CDH13: variants seen among roughly 807,000 people sequenced by gnomAD.
CDH13 encodes cadherin 13.
In CDH13, 24 loss-of-function variants were observed where a neutral mutation model predicts 63.8. That is an observed-to-expected ratio of 0.38 (90% confidence interval 0.27 to 0.53). The LOEUF is 0.53. Ranked by LOEUF, CDH13 falls within the 20% of genes least tolerant of loss-of-function variation. The probability of loss-of-function intolerance (pLI) is 0.85; values close to 1 mark genes in which losing one functional copy is unlikely to be tolerated. For missense variants in CDH13, 1,049 were observed against 903.1 expected (o/e 1.16, Z -2.07); for synonymous variants, 503 against 355.3 (o/e 1.42, Z -4.67).
At chr16:83,008,935 C>G (rs1312440784) in intron 2 of CDH13, among the ~76,000 whole-genome samples, 1 of 152,166 alleles carries the variant, frequency 6.6e-6, no homozygotes, top group Admixed American at 6.5e-5. Flanking sequence ...ACACGTCCAT[C>G]TTCACTTGGT....
At chr16:82,894,188 C>A (rs750082859) in intron 2 of CDH13, among the ~76,000 whole-genome samples, 1 of 152,138 alleles carries the variant, frequency 6.6e-6, no homozygotes, top group Non-Finnish European at 1.5e-5. Flanking sequence ...CTCCTGGGCT[C>A]AAGCAATCCA....
intron 3 of CDH13, among the ~76,000 whole-genome samples, chr16:83,036,215 T>C (rs1048739887): frequency 2.8e-5 from 4 of 143,390 alleles, no homozygotes; most frequent in Non-Finnish European, 4.5e-5. Context: ...AATGGTACAA[T>C]CTCAGCTCAC....
intron 8 of CDH13, among the ~76,000 whole-genome samples, chr16:83,633,390 C>T (rs925041823): frequency 4.6e-5 from 7 of 152,150 alleles, no homozygotes; most frequent in East Asian, 1.9e-4. Flanking sequence ...TTGACCTCAC[C>T]GTAGAAGAGC....
chr16:83,219,975 G>A (rs2039648289), intron 5 of CDH13, among the ~76,000 whole-genome samples: 1 of 152,196 alleles, frequency 6.6e-6, no homozygotes, highest in Non-Finnish European at 1.5e-5. Context: ...CACCAGCACA[G>A]GGTCATATAC....
intron 3 of CDH13, among the ~76,000 whole-genome samples, chr16:83,100,686 C>T (rs901557128): frequency 3.9e-5 from 6 of 152,150 alleles, no homozygotes; most frequent in African/African-American, 1.4e-4. Flanking sequence ...CATTAATGAT[C>T]CACTGGCATA....
At chr16:83,076,056 C>T (rs577850856) in intron 3 of CDH13, among the ~76,000 whole-genome samples, 1 of 152,110 alleles carries the variant, frequency 6.6e-6, no homozygotes, top group African/African-American at 2.4e-5. Context: ...AGAGCCAGAA[C>T]GTGAGTTCTG....
At chr16:83,484,635 C>T (rs747806366) in intron 6 of CDH13, among the ~76,000 whole-genome samples, 2 of 152,200 alleles carry the variant, frequency 1.3e-5, no homozygotes, top group African/African-American at 4.8e-5. Context: ...ACATCTTTCC[C>T]GATGACCATG....
intron 2 of CDH13, among the ~76,000 whole-genome samples, chr16:82,956,693 A>T (rs1906163053): frequency 1.3e-5 from 2 of 152,194 alleles, no homozygotes; most frequent in Admixed American, 1.3e-4. Context: ...GCTTGTGTTG[A>T]GCAGAGCCAA....
chr16:83,237,903 A>T (rs1877861673), intron 5 of CDH13, among the ~76,000 whole-genome samples: 1 of 152,222 alleles, frequency 6.6e-6, no homozygotes, highest in Admixed American at 6.5e-5. Flanking sequence ...TGTCTTATGC[A>T]GTGGTGCTTT....
intron 6 of CDH13, among the ~76,000 whole-genome samples, chr16:83,449,279 G>A (rs1349766152): frequency 6.6e-6 from 1 of 152,132 alleles, no homozygotes; most frequent in Non-Finnish European, 1.5e-5. Context: ...ATGAGAGGAT[G>A]ATCAATGAAA....
intron 3 of CDH13, among the ~76,000 whole-genome samples, chr16:83,122,888 G>A (rs907833572): frequency 3.3e-5 from 5 of 152,082 alleles, no homozygotes; most frequent in African/African-American, 4.8e-5. Context: ...AAGAGTGAAC[G>A]TTGTACCCAA....
intron 1 of CDH13, among the ~76,000 whole-genome samples, chr16:82,747,431 G>C (rs865985259): frequency 5.7e-4 from 85 of 149,460 alleles, no homozygotes; most frequent in African/African-American, 1.9e-3. Context: ...GAAAGGTCTG[G>C]ATTATTTCAC....
At chr16:83,685,150 A>G (rs1598476045) in intron 10 of CDH13, among the ~76,000 whole-genome samples, 1 of 152,132 alleles carries the variant, frequency 6.6e-6, no homozygotes, top group Non-Finnish European at 1.5e-5. Context: ...TTTTATTTAA[A>G]TTTTATTGGC....
At chr16:82,879,158 T>C (rs560660956) in intron 2 of CDH13, among the ~76,000 whole-genome samples, 1 of 152,162 alleles carries the variant, frequency 6.6e-6, no homozygotes, top group Non-Finnish European at 1.5e-5. Context: ...CTGGTCCTCA[T>C]AGTATTGGTG....
At chr16:82,695,515 C>A (rs999294686) in intron 1 of CDH13, among the ~76,000 whole-genome samples, 1 of 152,166 alleles carries the variant, frequency 6.6e-6, no homozygotes, top group Non-Finnish European at 1.5e-5. Flanking sequence ...TCTTGTCTGT[C>A]CCTTAGCTTT....
At chr16:83,161,601 C>A (rs2037446405) in intron 4 of CDH13, among the ~76,000 whole-genome samples, 1 of 152,210 alleles carries the variant, frequency 6.6e-6, no homozygotes, top group East Asian at 1.9e-4. Flanking sequence ...TCCACAACCA[C>A]CAGCATTTGT....
chr16:83,224,006 C>T (rs1326581472), intron 5 of CDH13, among the ~76,000 whole-genome samples: 1 of 152,160 alleles, frequency 6.6e-6, no homozygotes, highest in Non-Finnish European at 1.5e-5. Flanking sequence ...TCCCCCTTGC[C>T]AAGTCCCCAA....
intron 1 of CDH13, among the ~76,000 whole-genome samples, chr16:82,798,157 G>C (rs2036679323): frequency 1.3e-5 from 2 of 152,202 alleles, no homozygotes; most frequent in East Asian, 3.8e-4. Flanking sequence ...CTGTCTACCG[G>C]AAACCAGGTT....
intron 2 of CDH13, among the ~76,000 whole-genome samples, chr16:82,985,198 C>T (rs890431740): frequency 6.6e-6 from 1 of 152,158 alleles, no homozygotes; most frequent in East Asian, 1.9e-4. Flanking sequence ...CTTCAGGATG[C>T]ACAGGTGTCC....
Sources: allele counts gnomAD v4.1 joint callset (sites outside exome capture counted in the v4.1 genomes callset), GRCh38; gene constraint gnomAD v4.1.1; transcripts MANE v1.5; gene names NCBI Gene and HGNC (gene_info 2026-07-23, HGNC 2026-07-21).